METTL9: variants seen among roughly 807,000 people sequenced by gnomAD.
METTL9 encodes the protein methyltransferase 9, His-X-His N1(pi)-histidine.
METTL9 carries 10 observed loss-of-function variants against 36.0 expected under a neutral mutation model. The ratio of observed to expected loss-of-function variants is 0.28; its 90% CI spans 0.17 to 0.47. The LOEUF is 0.47. METTL9 is among the 20% of genes least tolerant of loss of function. The probability of loss-of-function intolerance (pLI) is 0.99; values close to 1 mark genes in which losing one functional copy is unlikely to be tolerated. For missense variants in METTL9, 246 were observed against 383.5 expected, an observed-to-expected ratio of 0.64 and a Z score of 3.00; for synonymous variants, 175 against 149.7, an observed-to-expected ratio of 1.17 and a Z score of -1.23.
intron 3 of METTL9, among the ~76,000 whole-genome samples, chr16:21,618,726 T>C (rs564173986): frequency 6.6e-6 from 1 of 152,254 alleles, no homozygotes; most frequent in African/African-American, 2.4e-5. Context: ...TTTTCTTTTT[T>C]TTTTTGAGAT....
chr16:21,629,667 C>T (rs1014286020), intron 4 of METTL9, among the ~76,000 whole-genome samples: 4 of 152,152 alleles, frequency 2.6e-5, no homozygotes, highest in African/African-American at 9.7e-5. Context: ...GGACCCAAAG[C>T]GTGAGCAGCA....
intron 4 of METTL9, among the ~76,000 whole-genome samples, chr16:21,629,607 G>A (rs1034757327): frequency 6.6e-6 from 1 of 152,138 alleles, no homozygotes; most frequent in East Asian, 1.9e-4. Context: ...GGCCTCAGGA[G>A]TGAAGCTGCA....
In METTL9 at chr16:21,657,101, G is replaced by A. The variant is rs1180774095; in HGVS notation, c.*1669G>A. On this transcript the variant is annotated 3_prime_UTR_variant, in exon 5 of 5. Transcript: ENST00000358154. ...GCAGAAGTGATGGATGTTCAAGGAGGCAGGTTGCCCCAAAGTGTTTTCTAA... is the reference window on the plus strand; with the variant it reads ...GCAGAAGTGATGGATGTTCAAGGAGACAGGTTGCCCCAAAGTGTTTTCTAA... The A allele has an allele frequency of 6.6e-6, 1 of 152,004 alleles. No individual in the cohort carries two copies. The highest frequency in any genetic ancestry group is 2.4e-5 in the African/African-American group (1 of 41,378). The allele number at this position is 152,004 out of a possible 1,614,324, so 9.4% of individuals were successfully genotyped here. A position where few individuals can be genotyped will look rare whatever the true frequency, so the allele number is the denominator to read the frequency against.
intron 4 of METTL9, chr16:21,647,391 C>G (rs370573910): frequency 7.4e-6 from 12 of 1,613,968 alleles, no homozygotes; most frequent in Non-Finnish European, 1.0e-5. Context: ...GAAGGGCATC[C>G]GGTTGCGGAG....
At chr16:21,634,985 A>G (rs1306162079) in intron 4 of METTL9, among the ~76,000 whole-genome samples, 2 of 152,192 alleles carry the variant, frequency 1.3e-5, no homozygotes, top group Non-Finnish European at 2.9e-5. Flanking sequence ...CTGGCTGACC[A>G]GTAGGGAATT....
intron 1 of METTL9, among the ~76,000 whole-genome samples, chr16:21,604,449 T>G (rs1333250213): frequency 1.3e-5 from 2 of 152,154 alleles, no homozygotes; most frequent in Non-Finnish European, 2.9e-5. Context: ...TATTTAGTAT[T>G]TGCAATGAGG....
chr16:21,616,050 C>T (rs973115364), intron 2 of METTL9, among the ~76,000 whole-genome samples: 1 of 152,118 alleles, frequency 6.6e-6, no homozygotes, highest in African/African-American at 2.4e-5. Flanking sequence ...GGAAGGGGGA[C>T]TTTGTTACAT....
intron 1 of METTL9, among the ~76,000 whole-genome samples, chr16:21,606,813 ATCAG>A: frequency 6.6e-6 from 1 of 152,328 alleles, no homozygotes; most frequent in African/African-American, 2.4e-5. Context: ...ATCATCTAAA[ATCAG>A]TCAGTTTTTA....
intron 1 of METTL9, chr16:21,612,394 C>G (rs1036713237): frequency 2.1e-5 from 7 of 328,388 alleles, no homozygotes; most frequent in South Asian, 1.0e-4. Flanking sequence ...AGCCTCTCCA[C>G]CCTTCCCTCA....
In METTL9 at chr16:21,656,728, C is replaced by G. The variant is rs575077818; in HGVS notation, c.*1296C>G. The G allele has an allele frequency of 6.6e-6, 1 of 152,240 alleles. No homozygotes were observed. Among genetic ancestry groups the G allele is most frequent in the South Asian group, 2.1e-4 (1 of 4,824 alleles). The allele number at this position is 152,240 out of a possible 1,614,324, so 9.4% of individuals were successfully genotyped here. On this transcript the variant is annotated 3_prime_UTR_variant, in exon 5 of 5. Transcript: ENST00000358154. ...TCATTTATATGCTCATAGAAGTCAT[C>G]AGATCAACACATTCACTCCAACACC... is the stretch of plus-strand genomic sequence containing the variant.
At chr16:21,652,796 C>T in intron 4 of METTL9, 3 of 432,152 alleles carry the variant, frequency 6.9e-6, no homozygotes, top group Non-Finnish European at 8.3e-6. Context: ...ATGTGCATAT[C>T]TTTTTTTTTT....
At chr16:21,623,535 C>T (rs1965753009) in intron 3 of METTL9, among the ~76,000 whole-genome samples, 2 of 151,986 alleles carry the variant, frequency 1.3e-5, no homozygotes, top group Admixed American at 1.3e-4. Context: ...TTGGTATAAC[C>T]AAGCAGGAGT....
chr16:21,642,347 G>A (rs1288850611), intron 4 of METTL9: 1 of 152,184 alleles, frequency 6.6e-6, no homozygotes, highest in Non-Finnish European at 1.5e-5. Context: ...GAGAAGATTA[G>A]CATGGCCCCT....
At chr16:21,600,373 G>C (rs1965087759) in intron 1 of METTL9, among the ~76,000 whole-genome samples, 1 of 152,152 alleles carries the variant, frequency 6.6e-6, no homozygotes, top group Admixed American at 6.5e-5. Context: ...ACAAAGGGTC[G>C]TGAAGAAATG....
At chr16:21,633,621 G>A (rs1461879865) in intron 4 of METTL9, among the ~76,000 whole-genome samples, 1 of 152,008 alleles carries the variant, frequency 6.6e-6, no homozygotes, top group Non-Finnish European at 1.5e-5. Context: ...AAGAGAGCAG[G>A]GTATAGGGGT....
intron 4 of METTL9, among the ~76,000 whole-genome samples, chr16:21,648,220 T>C (rs1966480021): frequency 6.6e-6 from 1 of 152,200 alleles, no homozygotes; most frequent in Non-Finnish European, 1.5e-5. Context: ...GTAGCATTTA[T>C]CTTATTTAAT....
intron 4 of METTL9, among the ~76,000 whole-genome samples, chr16:21,627,935 A>G (rs1965851630): frequency 6.6e-6 from 1 of 152,202 alleles, no homozygotes; most frequent in Non-Finnish European, 1.5e-5. Flanking sequence ...CCTGGGTGAC[A>G]GAGCCAGACT....
At chr16:21,620,347 T>C (rs1459091030) in intron 3 of METTL9, among the ~76,000 whole-genome samples, 1 of 152,184 alleles carries the variant, frequency 6.6e-6, no homozygotes, top group East Asian at 1.9e-4. Flanking sequence ...CAGTTAGAGA[T>C]TAATTCGGCA....
At chr16:21,633,886 G>A (rs1159978254) in intron 4 of METTL9, among the ~76,000 whole-genome samples, 1 of 152,120 alleles carries the variant, frequency 6.6e-6, no homozygotes, top group Non-Finnish European at 1.5e-5. Flanking sequence ...GACTGGGCGG[G>A]CATTTTTTTG....
Sources: gnomAD v4.1 joint callset for allele counts (sites outside exome capture counted in the v4.1 genomes callset) on GRCh38, gnomAD v4.1.1 for gene constraint, MANE v1.5 for transcripts, NCBI Gene and HGNC (gene_info 2026-07-23, HGNC 2026-07-21) for gene names.